Variants in ANKRD44 observed in about 807,000 individuals in gnomAD.
ANKRD44 encodes ankyrin repeat domain 44.
In ANKRD44, 35 loss-of-function variants were observed where a neutral mutation model predicts 116.0. The observed-to-expected ratio is 0.30, with a 90% confidence interval of 0.23 to 0.40. The LOEUF (loss-of-function observed/expected upper bound fraction) is 0.40, where lower values mean the gene tolerates loss of function less well. Among genes scored for constraint, ANKRD44 ranks in the 10% least tolerant of loss-of-function variants. The pLI is 1.00. For synonymous variants in ANKRD44, 435 were observed against 461.8 expected (o/e 0.94, Z 0.74); for missense variants, 1,014 against 1,242.6 (o/e 0.82, Z 2.77).
chr2:197,101,449 T>C (rs1429927233), intron 9 of ANKRD44, among the ~76,000 whole-genome samples: 1 of 152,180 alleles, frequency 6.6e-6, no homozygotes, highest in Admixed American at 6.5e-5. Flanking sequence ...GTTTGACTAC[T>C]TGCAATGGGT....
At chr2:197,266,561 C>G (rs537764682) in intron 1 of ANKRD44, among the ~76,000 whole-genome samples, 1 of 151,248 alleles carries the variant, frequency 6.6e-6, no homozygotes, top group East Asian at 1.9e-4. Flanking sequence ...TTTACACGAA[C>G]TGAATGACAG....
At chr2:197,075,619 G>C (rs900694992) in intron 16 of ANKRD44, among the ~76,000 whole-genome samples, 2 of 152,292 alleles carry the variant, frequency 1.3e-5, no homozygotes, top group Middle Eastern at 3.4e-3. Flanking sequence ...TTCTATCAAG[G>C]CTAAGGGGTT....
intron 1 of ANKRD44, among the ~76,000 whole-genome samples, chr2:197,188,857 A>G (rs1481789161): frequency 6.6e-6 from 1 of 152,210 alleles, no homozygotes; most frequent in African/African-American, 2.4e-5. Flanking sequence ...GGAGATGCCT[A>G]TTAAAAAAAA....
chr2:197,046,905 C>T (rs528824293), intron 16 of ANKRD44, among the ~76,000 whole-genome samples: 6 of 152,066 alleles, frequency 3.9e-5, no homozygotes, highest in East Asian at 1.9e-4. Context: ...GAGAAAGAAA[C>T]GAATAAAAAG....
chr2:197,233,815 A>T (rs2081919784), intron 1 of ANKRD44, among the ~76,000 whole-genome samples: 1 of 152,250 alleles, frequency 6.6e-6, no homozygotes, highest in African/African-American at 2.4e-5. Flanking sequence ...GGGATGATGG[A>T]GGGATATCTA....
At position 197,088,778 on chromosome 2, in the gene ANKRD44, C is replaced by A; in HGVS notation, c.1184-4G>T. 1 of 1,612,666 alleles carries A rather than the reference C, an allele frequency of 6.2e-7. No individual in the cohort carries two copies. Among genetic ancestry groups the A allele is most frequent in the South Asian group, 1.1e-5 (1 of 90,852 alleles). On this transcript the variant is annotated splice_region_variant and splice_polypyrimidine_tract_variant and intron_variant, in intron 11 of 27. Transcript: ENST00000282272. Reference sequence around the variant, plus strand: ...TCTGGGGTGTCTATTTCAAAGCCTGCAGACAGCACGTGCTCATTACTAAAC... The same window carrying A: ...TCTGGGGTGTCTATTTCAAAGCCTGAAGACAGCACGTGCTCATTACTAAAC...
chr2:197,010,358 G>C (rs982416493), intron 18 of ANKRD44, among the ~76,000 whole-genome samples: 2 of 152,156 alleles, frequency 1.3e-5, no homozygotes, highest in Non-Finnish European at 2.9e-5. Context: ...GTGCCTGGCC[G>C]AGGTGTGACT....
intron 17 of ANKRD44, among the ~76,000 whole-genome samples, chr2:197,013,981 G>T (rs1421720366): frequency 6.6e-6 from 1 of 152,188 alleles, no homozygotes; most frequent in African/African-American, 2.4e-5. Context: ...ATGTATTAAT[G>T]TATTCTTATA....
chr2:197,032,972 G>A (rs907357026), intron 16 of ANKRD44, among the ~76,000 whole-genome samples: 8 of 152,194 alleles, frequency 5.3e-5, no homozygotes, highest in Admixed American at 4.6e-4. Context: ...AGAGAGATGC[G>A]TTGAGTCTCA....
At chr2:197,182,177 G>A (rs1327751554) in intron 2 of ANKRD44, among the ~76,000 whole-genome samples, 1 of 152,210 alleles carries the variant, frequency 6.6e-6, no homozygotes, top group African/African-American at 2.4e-5. Flanking sequence ...TGGTTAGTCA[G>A]GTGGAGGCTT....
intron 1 of ANKRD44, among the ~76,000 whole-genome samples, chr2:197,292,251 C>T (rs973157621): frequency 6.6e-6 from 1 of 152,224 alleles, no homozygotes; most frequent in Admixed American, 6.5e-5. Flanking sequence ...GATCGCCACA[C>T]TGTCTTCCAC....
At chr2:197,154,597 T>C (rs2079760253) in intron 2 of ANKRD44, among the ~76,000 whole-genome samples, 2 of 152,236 alleles carry the variant, frequency 1.3e-5, no homozygotes, top group African/African-American at 4.8e-5. Flanking sequence ...TTATTAGTCT[T>C]TTCCTTGTGT....
At chr2:196,967,305 C>T in exon 22 of ANKRD44, 1 of 372,718 alleles carries the variant, frequency 2.7e-6, no homozygotes, top group East Asian at 7.5e-5. Context: ...TACTCCCTTT[C>T]CCTTCCCCAA....
At chr2:197,240,669 C>T (rs1385472513) in intron 1 of ANKRD44, among the ~76,000 whole-genome samples, 3 of 150,492 alleles carry the variant, frequency 2.0e-5, no homozygotes, top group Admixed American at 1.3e-4. Flanking sequence ...GATTCAGTGT[C>T]TCTACAGCAG....
At chr2:196,983,816 C>T (rs940275459), downstream of ANKRD44, among the ~76,000 whole-genome samples, 6 of 152,296 alleles carry the variant, frequency 3.9e-5, no homozygotes, top group South Asian at 2.1e-4. Context: ...TGCCATGTGA[C>T]GGTGGGCCAA....
At chr2:197,121,186 A>G (rs1470303868) in intron 8 of ANKRD44, 146 bp downstream of exon 8, 1 of 749,536 alleles carries the variant, frequency 1.3e-6, no homozygotes, top group Non-Finnish European at 2.2e-6. Flanking sequence ...CTCAGCCTCC[A>G]GACAACTTTT....
intron 1 of ANKRD44, among the ~76,000 whole-genome samples, chr2:197,255,975 G>A (rs1271277271): frequency 1.3e-5 from 2 of 152,198 alleles, no homozygotes; most frequent in African/African-American, 4.8e-5. Flanking sequence ...TAATCTATCT[G>A]GTCTAACTTT....
intron 2 of ANKRD44, among the ~76,000 whole-genome samples, chr2:197,166,357 T>A (rs547793870): frequency 6.6e-6 from 1 of 152,196 alleles, no homozygotes; most frequent in Non-Finnish European, 1.5e-5. Context: ...TAAACTGTTA[T>A]GGGCAGCTTT....
chr2:197,111,804 T>C (rs2078574648), intron 8 of ANKRD44, among the ~76,000 whole-genome samples: 1 of 152,014 alleles, frequency 6.6e-6, no homozygotes, highest in Non-Finnish European at 1.5e-5. Flanking sequence ...AAAACCATAA[T>C]TTTTTATTGT....
Sources: gnomAD v4.1 joint callset for allele counts (sites outside exome capture counted in the v4.1 genomes callset) on GRCh38, gnomAD v4.1.1 for gene constraint, MANE v1.5 for transcripts, NCBI Gene and HGNC (gene_info 2026-07-23, HGNC 2026-07-21) for gene names.